Variants in IL27RA observed in about 807,000 individuals in gnomAD.
IL27RA encodes interleukin-27 receptor subunit alpha.
Under a neutral mutation model 80.8 loss-of-function variants are expected in IL27RA, and 61 were observed. That is an observed-to-expected ratio of 0.76 (90% CI 0.61 to 0.93). The LOEUF is 0.93. Among genes scored for constraint, IL27RA ranks in the 40% least tolerant of loss-of-function variants. The pLI is 0.00. For synonymous variants in IL27RA, 316 were observed against 332.5 expected, an observed-to-expected ratio of 0.95 and a Z score of 0.54; for missense variants, 735 against 808.1, an observed-to-expected ratio of 0.91 and a Z score of 1.10.
intron 2 of IL27RA, among the ~76,000 whole-genome samples, chr19:14,037,823 G>A (rs942392256): frequency 5.9e-5 from 8 of 135,522 alleles, no homozygotes; most frequent in African/African-American, 2.1e-4. Context: ...AGACCCTCTC[G>A]CTCTCTCTCT....
intron 2 of IL27RA, among the ~76,000 whole-genome samples, chr19:14,036,489 C>CTTTTT (rs34609073): frequency 1.5e-5 from 2 of 135,378 alleles, no homozygotes; most frequent in African/African-American, 2.8e-5. Flanking sequence ...ACAGGATTTC[C>CTTTTT]TTTTTTTTTT....
chr19:14,044,035 C>G (rs1599300979), intron 6 of IL27RA, among the ~76,000 whole-genome samples: 1 of 121,364 alleles, frequency 8.2e-6, no homozygotes, highest in Non-Finnish European at 1.6e-5. Context: ...GCAACAAGAG[C>G]AAGACTCTGT....
At chr19:14,039,976 C>G (rs1975967014) in intron 4 of IL27RA, 66 bp downstream of exon 4, 1 of 1,511,480 alleles carries the variant, frequency 6.6e-7, no homozygotes, top group Non-Finnish European at 9.1e-7. Flanking sequence ...ATCTCCTAAT[C>G]TGAGACCCAG....
intron 6 of IL27RA, among the ~76,000 whole-genome samples, chr19:14,043,761 T>C (rs1976023912): frequency 6.6e-6 from 1 of 151,506 alleles, no homozygotes; most frequent in Non-Finnish European, 1.5e-5. Flanking sequence ...AAAAGGGTAT[T>C]AATAGGCTGG....
rs962120180 is a variant in IL27RA at position 14,032,328 on chromosome 19, G to C, written c.101-58G>C. 5 of 1,307,826 alleles carry C rather than the reference G, an allele frequency of 3.8e-6. No individual in the cohort carries two copies. In the Admixed American group the frequency reaches 9.2e-5, roughly 24 times the overall value. 81.0% of individuals were successfully genotyped at this position (1,307,826 alleles called of 1,614,324 possible). A position where few individuals can be genotyped will look rare whatever the true frequency, so the allele number is the denominator to read the frequency against. Reference sequence around the variant, plus strand: ...GTCAGAAGTCCAAGTTCTGGGGTGTGCAGGCGGAAGGGGGGGATTCGACCC... The same window carrying C: ...GTCAGAAGTCCAAGTTCTGGGGTGTCCAGGCGGAAGGGGGGGATTCGACCC... On this transcript the variant is annotated intron_variant, in intron 1 of 13. Coordinates refer to ENST00000263379, the MANE Select transcript of IL27RA (RefSeq NM_004843.4).
intron 13 of IL27RA, 30 bp downstream of exon 13, chr19:14,052,003 C>T (rs755357777): frequency 1.3e-6 from 2 of 1,572,016 alleles, no homozygotes; most frequent in Non-Finnish European, 1.7e-6. Context: ...AGTCGGAGCC[C>T]TCTGGGGGAC....
At chr19:14,044,385 G>A (rs184613077) in intron 6 of IL27RA, among the ~76,000 whole-genome samples, 3 of 151,970 alleles carry the variant, frequency 2.0e-5, no homozygotes, top group African/African-American at 7.2e-5. Context: ...GATTATAGGC[G>A]CCCGCCACCA....
intron 6 of IL27RA, among the ~76,000 whole-genome samples, chr19:14,044,286 C>T (rs1017872057): frequency 6.6e-6 from 1 of 151,898 alleles, no homozygotes; most frequent in Non-Finnish European, 1.5e-5. Flanking sequence ...GTTGCCCAGG[C>T]TGGAGTGCAA....
intron 11 of IL27RA, 89 bp downstream of exon 11, chr19:14,050,972 G>A (rs1198049064): frequency 2.2e-6 from 3 of 1,377,508 alleles, no homozygotes; most frequent in Non-Finnish European, 3.0e-6. Flanking sequence ...TTGGAAGCTA[G>A]GTGCAGTGGC....
chr19:14,049,382 C>G, intron 10 of IL27RA, 68 bp downstream of exon 10: 1 of 1,525,644 alleles, frequency 6.6e-7, no homozygotes, highest in Admixed American at 1.9e-5. Flanking sequence ...TCAGCCCCAC[C>G]CCTTGTCCCC....
In IL27RA at chr19:14,048,267, T is replaced by TATAA. The variant is rs58406920; in HGVS notation, c.1142-691_1142-688dup. ...GCCACGGTACCTGGCAAGAAATCTT[T>TATAA]ATAAATAAATAAATAAATAAATAAA... On this transcript the variant is annotated intron_variant, in intron 8 of 13. Transcript: ENST00000263379. Among the ~76,000 whole-genome samples, 822 of 148,342 alleles carry TATAA rather than the reference T, an allele frequency of 5.5e-3. 8 individuals carry two copies. Among genetic ancestry groups the TATAA allele is most frequent in the Non-Finnish European group, 0.01 (670 of 66,020 alleles).
intron 1 of IL27RA, 98 bp from the exon 2 acceptor site, chr19:14,032,288 C>A: frequency 1.1e-6 from 1 of 946,434 alleles, no homozygotes. Context: ...CCCTAAGCCC[C>A]CCCACCTTGC....
At chr19:14,043,567 G>A (rs1254102748) in intron 6 of IL27RA, among the ~76,000 whole-genome samples, 2 of 151,054 alleles carry the variant, frequency 1.3e-5, no homozygotes, top group African/African-American at 2.4e-5. Context: ...GGGATTACAG[G>A]TGCCCCCCCA....
chr19:14,040,037 A>G, intron 4 of IL27RA, 127 bp downstream of exon 4: 1 of 919,044 alleles, frequency 1.1e-6, no homozygotes, highest in Non-Finnish European at 1.7e-6. Context: ...TCCCACTCAA[A>G]ATGCCTGCAT....
intron 2 of IL27RA, among the ~76,000 whole-genome samples, chr19:14,036,096 G>GA (rs1599296890): frequency 1.5e-4 from 22 of 147,404 alleles, no homozygotes; most frequent in East Asian, 8.8e-4. Flanking sequence ...AAAAAAGAAA[G>GA]AAGAAGAAGA....
At chr19:14,036,897 G>A (rs1004555378) in intron 2 of IL27RA, among the ~76,000 whole-genome samples, 6 of 151,390 alleles carry the variant, frequency 4.0e-5, no homozygotes, top group Admixed American at 1.3e-4. Context: ...GTGCAATGGC[G>A]TGATCTCAGC....
In IL27RA at chr19:14,052,287, C is replaced by T. The variant is rs1976186323; in HGVS notation, c.1908C>T (p.Ala636=). Residue 636 remains alanine, a synonymous_variant, in exon 14 of 14, where the codon GCC becomes GCT. Transcript: ENST00000263379. Reference sequence around the variant, plus strand: ...GGCCCCCCAGGCCACAGGTTCTGGCCTGAACCACACGTCTGGCTGGGGGCT... The same window carrying T: ...GGCCCCCCAGGCCACAGGTTCTGGCTTGAACCACACGTCTGGCTGGGGGCT... ...LLGPPRPQVL[A] The T allele has an allele frequency of 6.7e-7, 1 of 1,495,762 alleles. No individual in the cohort carries two copies. The highest frequency in any genetic ancestry group is 8.9e-7 in the Non-Finnish European group (1 of 1,124,550). The allele number at this position is 1,495,762 out of a possible 1,614,324, so 92.7% of individuals were successfully genotyped here. A position where few individuals can be genotyped will look rare whatever the true frequency, so the allele number is the denominator to read the frequency against.
intron 2 of IL27RA, among the ~76,000 whole-genome samples, chr19:14,037,893 C>T (rs1385772831): frequency 2.8e-5 from 4 of 142,356 alleles, no homozygotes; most frequent in Non-Finnish European, 4.5e-5. Context: ...TGCAGTGGTG[C>T]GATCTCGGCT....
At chr19:14,036,205 G>GGGTA (rs2145686440) in intron 2 of IL27RA, among the ~76,000 whole-genome samples, 1 of 151,946 alleles carries the variant, frequency 6.6e-6, no homozygotes, top group East Asian at 1.9e-4. Context: ...CTGTTGCCTA[G>GGGTA]GGTAGTCTCA....
Sources: allele counts gnomAD v4.1 joint callset (sites outside exome capture counted in the v4.1 genomes callset), GRCh38; gene constraint gnomAD v4.1.1; transcripts MANE v1.5; gene names NCBI Gene and HGNC (gene_info 2026-07-23, HGNC 2026-07-21).